CNTN5: variants seen among roughly 807,000 people sequenced by gnomAD.
The protein encoded by CNTN5 is contactin-5.
A neutral mutation model predicts 129.1 loss-of-function variants in CNTN5; 77 were observed. The observed-to-expected ratio is 0.60, with a 90% CI of 0.50 to 0.72. The LOEUF (loss-of-function observed/expected upper bound fraction) is 0.72. Ranked by LOEUF, CNTN5 falls within the 30% of genes least tolerant of loss-of-function variation. The probability of loss-of-function intolerance (pLI) is 0.00; values close to 1 mark genes in which losing one functional copy is unlikely to be tolerated. For synonymous variants in CNTN5, 509 were observed against 465.6 expected (o/e 1.09, Z -1.20); for missense variants, 1,478 against 1,328.8 (o/e 1.11, Z -1.75).
chr11:99,921,376 G>T (rs1393585749), intron 7 of CNTN5, among the ~76,000 whole-genome samples: 2 of 152,210 alleles, frequency 1.3e-5, no homozygotes, highest in East Asian at 3.9e-4. Context: ...GGCCTTTGCA[G>T]TCGCTATTCC....
At position 99,984,890 on chromosome 11, in the gene CNTN5, T is replaced by A. The variant is rs115534587; in HGVS notation, c.878-17144T>A. 6.0e-3 allele frequency among the ~76,000 whole-genome samples: 916 copies of A among 152,294 alleles called. 11 individuals are homozygous for A. The highest frequency in any genetic ancestry group is 0.021 in the African/African-American group (854 of 41,560). ...CTTGCAACAGGGGCGCCCCGTTTAC[T>A]CGGCCCACTGTGCTCAACCCCTTAC... On this transcript the variant is annotated intron_variant, in intron 8 of 24. Transcript: ENST00000524871.
At chr11:99,896,968 T>C (rs984563707) in intron 6 of CNTN5, among the ~76,000 whole-genome samples, 1 of 152,164 alleles carries the variant, frequency 6.6e-6, no homozygotes, top group Non-Finnish European at 1.5e-5. Flanking sequence ...CTGCCTGCCC[T>C]GACCTGAAAG....
intron 13 of CNTN5, among the ~76,000 whole-genome samples, chr11:100,187,014 A>G (rs550876554): frequency 6.6e-6 from 1 of 152,314 alleles, no homozygotes; most frequent in South Asian, 2.1e-4. Flanking sequence ...GCCACTTAAC[A>G]GACAAAAAAC....
chr11:100,172,717 C>T (rs1326220367), intron 13 of CNTN5, among the ~76,000 whole-genome samples: 1 of 151,952 alleles, frequency 6.6e-6, no homozygotes, highest in African/African-American at 2.4e-5. Flanking sequence ...CCAAGTAGTG[C>T]ATTACGAATG....
chr11:100,118,776 GA>G (rs397847886), intron 13 of CNTN5, among the ~76,000 whole-genome samples: 1 of 151,744 alleles, frequency 6.6e-6, no homozygotes, highest in Non-Finnish European at 1.5e-5. Flanking sequence ...CTCTTTTCAA[GA>G]ATACCCATCT....
intron 1 of CNTN5, among the ~76,000 whole-genome samples, chr11:99,125,241 T>C (rs993835765): frequency 6.6e-6 from 1 of 152,100 alleles, no homozygotes; most frequent in East Asian, 1.9e-4. Flanking sequence ...CAGCAGCACA[T>C]TAGAAAGCTA....
intron 3 of CNTN5, among the ~76,000 whole-genome samples, chr11:99,698,926 A>C (rs1954393591): frequency 6.6e-6 from 1 of 151,298 alleles, no homozygotes; most frequent in South Asian, 2.1e-4. Context: ...AAAAAAAAAA[A>C]AAACTTGATT....
At chr11:99,988,714 C>A (rs1480670493) in intron 8 of CNTN5, among the ~76,000 whole-genome samples, 1 of 152,134 alleles carries the variant, frequency 6.6e-6, no homozygotes, top group Non-Finnish European at 1.5e-5. Context: ...AGCAGGAGTT[C>A]ATGACTATTC....
chr11:100,035,922 G>T (rs533689056), intron 9 of CNTN5, among the ~76,000 whole-genome samples: 2 of 152,272 alleles, frequency 1.3e-5, no homozygotes, highest in South Asian at 4.1e-4. Context: ...TAGTTTGCCT[G>T]TTCACTCTGA....
chr11:99,407,580 G>A (rs966965974), intron 2 of CNTN5, among the ~76,000 whole-genome samples: 1 of 152,152 alleles, frequency 6.6e-6, no homozygotes, highest in Non-Finnish European at 1.5e-5. Flanking sequence ...AGTAGGTCAT[G>A]TCCCTCTATC....
Position 99,676,594 on chromosome 11 carries a change from CT to C in CNTN5, c.55+120326del, listed in dbSNP as rs763381378. 2.0e-5 allele frequency among the ~76,000 whole-genome samples: 3 copies of C among 152,254 alleles called. No individual in the cohort carries two copies. In the South Asian group the frequency reaches 6.2e-4, roughly 32 times the overall value. On this transcript the variant is annotated intron_variant, in intron 3 of 24. Coordinates refer to ENST00000524871, the MANE Select transcript of CNTN5 (RefSeq NM_014361.4). ...ATTTTATATACTGCAGACTTTGAATCTGCATTACTTTGCAGAAACAATGGAT... is the reference window on the plus strand; with the variant it reads ...ATTTTATATACTGCAGACTTTGAATCGCATTACTTTGCAGAAACAATGGAT...
At chr11:99,306,116 G>A (rs1864864573) in intron 1 of CNTN5, among the ~76,000 whole-genome samples, 1 of 152,056 alleles carries the variant, frequency 6.6e-6, no homozygotes, top group African/African-American at 2.4e-5. Context: ...AATTTTTCAG[G>A]AAACTATGTA....
intron 2 of CNTN5, among the ~76,000 whole-genome samples, chr11:99,520,678 G>T (rs1283348361): frequency 1.3e-5 from 2 of 152,074 alleles, no homozygotes; most frequent in Admixed American, 6.6e-5. Flanking sequence ...CATGAGGGAA[G>T]GTAGGAGTGT....
intron 17 of CNTN5, among the ~76,000 whole-genome samples, chr11:100,265,550 G>GA (rs953271595): frequency 7.8e-4 from 118 of 151,704 alleles, no homozygotes; most frequent in African/African-American, 1.9e-3. Flanking sequence ...ATATCCATTA[G>GA]AAAAAAAATG....
intron 8 of CNTN5, among the ~76,000 whole-genome samples, chr11:99,988,275 C>G (rs1938822853): frequency 6.6e-6 from 1 of 152,210 alleles, no homozygotes; most frequent in Non-Finnish European, 1.5e-5. Flanking sequence ...TGAAAATAAA[C>G]TATTAACAAT....
intron 1 of CNTN5, among the ~76,000 whole-genome samples, chr11:99,184,088 ACT>A (rs1858220303): frequency 6.6e-6 from 1 of 152,018 alleles, no homozygotes; most frequent in Non-Finnish European, 1.5e-5. Context: ...TAAAATATAC[ACT>A]GTTTTCCTAA....
intron 3 of CNTN5, among the ~76,000 whole-genome samples, chr11:99,627,003 T>G (rs530534942): frequency 6.6e-5 from 10 of 152,148 alleles, no homozygotes; most frequent in Non-Finnish European, 1.3e-4. Flanking sequence ...CGTAGTTTCC[T>G]TTTCTCCATG....
At chr11:99,201,074 GAGTGC>G (rs1404675457) in intron 1 of CNTN5, among the ~76,000 whole-genome samples, 1 of 127,372 alleles carries the variant, frequency 7.9e-6, no homozygotes, top group Non-Finnish European at 1.6e-5. Context: ...GCCCAGGCTG[GAGTGC>G]AGTGGTAGAA....
At chr11:99,759,991 A>G (rs1944526726) in intron 3 of CNTN5, among the ~76,000 whole-genome samples, 1 of 152,086 alleles carries the variant, frequency 6.6e-6, no homozygotes. Context: ...TCAGACACAC[A>G]GAGTTTGAGA....
Sources: allele counts gnomAD v4.1 joint callset (sites outside exome capture counted in the v4.1 genomes callset), GRCh38; gene constraint gnomAD v4.1.1; transcripts MANE v1.5; gene names NCBI Gene and HGNC (gene_info 2026-07-23, HGNC 2026-07-21).